PTPRF: variants seen among roughly 807,000 people sequenced by gnomAD.
The protein encoded by PTPRF is protein tyrosine phosphatase receptor type F, also known as receptor-type tyrosine-protein phosphatase F.
A neutral mutation model predicts 201.8 loss-of-function variants in PTPRF; 59 were observed. The ratio of observed to expected loss-of-function variants is 0.29; its 90% confidence interval spans 0.24 to 0.36. The LOEUF (loss-of-function observed/expected upper bound fraction) is 0.36. PTPRF is among the 10% of genes least tolerant of loss of function. The probability of loss-of-function intolerance (pLI) is 1.00; values close to 1 mark genes in which losing one functional copy is unlikely to be tolerated. For synonymous variants in PTPRF, 1,088 were observed against 1,089.7 expected (o/e 1.00, Z 0.03); for missense variants, 2,132 against 2,690.5 (o/e 0.79, Z 4.59).
rs373276106 is a variant in PTPRF at position 43,622,017 on chromosome 1, C to T, written c.*14C>T. 7 of 1,613,288 alleles carry T rather than the reference C, an allele frequency of 4.3e-6. No individual in the cohort carries two copies. The highest frequency in any genetic ancestry group is 5.9e-6 in the Non-Finnish European group (7 of 1,179,494). On this transcript the variant is annotated 3_prime_UTR_variant, in exon 34 of 34. Coordinates refer to ENST00000359947, the MANE Select transcript of PTPRF (RefSeq NM_002840.5). ...TATGCAACGTAACTACCGCTCCCCT[C>T]TCCTCCGCCACCCCCGCCGTGGGGC...
At chr1:43,616,999 T>A (rs1658020056) in intron 23 of PTPRF, among the ~76,000 whole-genome samples, 1 of 152,098 alleles carries the variant, frequency 6.6e-6, no homozygotes, top group Non-Finnish European at 1.5e-5. Context: ...GATCCTGGAC[T>A]ACCTGAGAGG....
intron 11 of PTPRF, among the ~76,000 whole-genome samples, chr1:43,597,151 G>A (rs534026126): frequency 9.9e-4 from 135 of 135,814 alleles, no homozygotes; most frequent in Non-Finnish European, 1.9e-3. Flanking sequence ...ATGACACTAT[G>A]TATACGTGAG....
chr1:43,578,258 A>G (rs1570229382), intron 6 of PTPRF, among the ~76,000 whole-genome samples: 1 of 151,788 alleles, frequency 6.6e-6, no homozygotes, highest in African/African-American at 2.4e-5. Context: ...GAGGGGGTGG[A>G]GTAGGAGGGG....
chr1:43,604,860 C>T lies in PTPRF; in HGVS notation c.3038-43C>T, dbSNP rs758391363. The T allele has an allele frequency of 3.2e-6, 5 of 1,559,478 alleles. 1 individual carries two copies. The South Asian group carries it at 5.6e-5, about 17-fold the overall frequency. ...CCACCCTTCCAGCCCATTCACCCCA[C>T]CTCATATACCCAGCAGAGCTGACTC... On this transcript the variant is annotated intron_variant, in intron 16 of 33. Transcript: ENST00000359947.
At chr1:43,613,414 A>G (rs1338111400) in intron 22 of PTPRF, 4 of 554,926 alleles carry the variant, frequency 7.2e-6, no homozygotes, top group South Asian at 1.9e-5. Flanking sequence ...CAGGCTCCAC[A>G]TGCTCATGGC....
chr1:43,575,837 C>T, intron 6 of PTPRF: 1 of 1,283,084 alleles, frequency 7.8e-7, no homozygotes, highest in South Asian at 1.2e-5. Context: ...CCTGATTTGG[C>T]TTTGTGTGGC....
chr1:43,573,378 C>T (rs72889040), intron 6 of PTPRF, among the ~76,000 whole-genome samples: 2,920 of 152,330 alleles, frequency 0.019, 68 homozygotes, highest in African/African-American at 0.065. Flanking sequence ...GACAGCCTAA[C>T]TCACTAAGTC....
rs1433834843 is a variant in PTPRF, at chr1:43,554,728, A to G, written c.379+787A>G. Among the ~76,000 whole-genome samples, 1 of 152,198 alleles carries G rather than the reference A, an allele frequency of 6.6e-6. No individual in the cohort carries two copies. Among genetic ancestry groups the G allele is most frequent in the African/African-American group, 2.4e-5 (1 of 41,450 alleles). On this transcript the variant is annotated intron_variant, in intron 5 of 33. Transcript: ENST00000359947. The surrounding 1 kb of genome is among the most constrained non-coding windows in gnomAD (Gnocchi z 4.1). ...TGAACACTCTCCTAGGGACATAGGA[A>G]GCCACAAACAAGGCGGGGGTGACAT... is the stretch of plus-strand genomic sequence containing the variant.
At chr1:43,612,760 C>T (rs1656775854) in intron 22 of PTPRF, 5 of 1,365,106 alleles carry the variant, frequency 3.7e-6, no homozygotes, top group South Asian at 1.1e-5. Context: ...TTGTTTTTTT[C>T]TCTGCAGGTT....
chr1:43,598,766 C>T lies in PTPRF; in HGVS notation c.2166C>T (p.Ser722=). The change falls in exon 13 of 34, where the codon TCC becomes TCT. Residue 722 remains serine, a synonymous_variant. Coordinates refer to ENST00000359947, the MANE Select transcript of PTPRF (RefSeq NM_002840.5). The stretch of plus-strand genomic sequence containing the variant: ...AGGTGGAGGTGGAGCCACTGAACTC[C>T]ACTGCTGTGCATGTCTACTGGAAGC... ...PRKVEVEPLN[S]TAVHVYWKLP... 2 of 1,614,144 alleles carry T rather than the reference C, an allele frequency of 1.2e-6. No homozygotes were observed. The highest frequency in any genetic ancestry group is 1.1e-5 in the South Asian group (1 of 91,084).
upstream of PTPRF, among the ~76,000 whole-genome samples, chr1:43,526,681 G>A (rs1398684122): frequency 1.3e-5 from 2 of 152,158 alleles, no homozygotes; most frequent in African/African-American, 4.8e-5. Flanking sequence ...GGCTGCATGC[G>A]ATTCGAAAGC....
chr1:43,559,589 CG>C (rs1398113954), intron 5 of PTPRF, among the ~76,000 whole-genome samples: 1 of 150,788 alleles, frequency 6.6e-6, no homozygotes, highest in East Asian at 2.0e-4. Flanking sequence ...GTGCAGCAGG[CG>C]TGTGTGTGTG....
intron 3 of PTPRF, among the ~76,000 whole-genome samples, chr1:43,547,882 G>GT (rs1644783299): frequency 6.6e-6 from 1 of 152,220 alleles, no homozygotes; most frequent in Non-Finnish European, 1.5e-5. Context: ...AGGAGGGGAG[G>GT]TTGTGGGGCC....
chr1:43,614,194 G>C (rs1222649789), intron 23 of PTPRF, among the ~76,000 whole-genome samples: 1 of 152,224 alleles, frequency 6.6e-6, no homozygotes, highest in Non-Finnish European at 1.5e-5. Flanking sequence ...GTGAGGAAGC[G>C]GGGGCTCAGA....
At chr1:43,532,118 T>A (rs988589417) in intron 1 of PTPRF, among the ~76,000 whole-genome samples, 1 of 152,256 alleles carries the variant, frequency 6.6e-6, no homozygotes, top group African/African-American at 2.4e-5. Flanking sequence ...TCTGTCTCCC[T>A]CCTTAAGTCT....
intron 3 of PTPRF, among the ~76,000 whole-genome samples, chr1:43,552,895 G>A (rs1645124045): frequency 1.3e-5 from 2 of 152,168 alleles, no homozygotes; most frequent in Admixed American, 6.5e-5. Flanking sequence ...CAGATTTACA[G>A]GAAAGCATTC....
chr1:43,603,304 C>T lies in PTPRF; in HGVS notation c.2341-112C>T. 1 of 927,514 alleles carries T rather than the reference C, an allele frequency of 1.1e-6. No individual in the cohort carries two copies. Among genetic ancestry groups the T allele is most frequent in the Non-Finnish European group, 1.7e-6 (1 of 576,106 alleles). The allele number at this position is 927,514 out of a possible 1,614,324, so 57.5% of individuals were successfully genotyped here. On this transcript the variant is annotated intron_variant, in intron 14 of 33. Coordinates refer to ENST00000359947, the MANE Select transcript of PTPRF (RefSeq NM_002840.5). The surrounding 1 kb of genome is among the most constrained non-coding windows in gnomAD (Gnocchi z 5.8). ...TGTATAGCCCCACCTTCCACAACCC[C>T]TGGCCTTGTGTGCCCCGGGGCTCCC... is the stretch of plus-strand genomic sequence containing the variant.
intron 14 of PTPRF, 109 bp downstream of exon 14, chr1:43,602,206 G>C (rs988682564): frequency 5.2e-6 from 7 of 1,354,944 alleles, no homozygotes; most frequent in Non-Finnish European, 7.4e-6. Flanking sequence ...GATCCACAGG[G>C]CTCTAGCCAC....
Position 43,603,598 on chromosome 1 carries a change from C to T in PTPRF, c.2459-13C>T, listed in dbSNP as rs770018294. ...AGGAGGGCAGCGCCAGAGCCCAGCC[C>T]GTGGTCCTTCAGTCCCAGGCCGGCC... On this transcript the variant is annotated splice_polypyrimidine_tract_variant and intron_variant, in intron 15 of 33. Transcript: ENST00000359947. The surrounding 1 kb of genome is among the most constrained non-coding windows in gnomAD (Gnocchi z 5.8). 3.0e-5 allele frequency: 49 copies of T among 1,612,464 alleles called. No homozygotes were observed. Among genetic ancestry groups the T allele is most frequent in the Middle Eastern group, 1.6e-4 (1 of 6,082 alleles).
Sources: gnomAD v4.1 joint callset for allele counts (sites outside exome capture counted in the v4.1 genomes callset) on GRCh38, gnomAD v4.1.1 for gene constraint, Gnocchi (gnomAD v3.1) non-coding constraint, MANE v1.5 for transcripts, NCBI Gene and HGNC (gene_info 2026-07-23, HGNC 2026-07-21) for gene names.